The following CACNA1H variants were observed in gnomAD, a reference collection of about 807,000 sequenced individuals.
The protein encoded by CACNA1H is calcium voltage-gated channel subunit alpha1 H.
CACNA1H carries 149 observed loss-of-function variants against 192.5 expected under a neutral mutation model. That is an observed-to-expected ratio of 0.77 (90% CI 0.68 to 0.89). CACNA1H has a LOEUF of 0.89. CACNA1H is among the 40% of genes least tolerant of loss of function. The pLI is 0.00. For missense variants in CACNA1H, 4,257 were observed against 3,423.5 expected (o/e 1.24, Z -6.08); for synonymous variants, 2,202 against 1,475.2 (o/e 1.49, Z -11.29).
In CACNA1H at chr16:1,207,854, A is replaced by G. The variant is rs1239993965; in HGVS notation, c.3148A>G (p.Thr1050Ala). ...EDFHKLRELQTTELKMCSLAV... is the reference protein window; with the variant it reads ...EDFHKLRELQATELKMCSLAV... ...CTTCCACAAGCTCAGAGAACTCCAG[A>G]CCACAGGTGCGTGTGGTCGGTGGGT... The change falls in exon 15 of 35, where the codon ACC becomes GCC. Residue 1050 changes from threonine (T) to alanine (A), a missense_variant. Thr to Ala is a moderately conservative substitution (Grantham distance 58). Transcript: ENST00000348261. 1.3e-6 allele frequency: 2 copies of G among 1,592,242 alleles called. No homozygotes were observed.
At chr16:1,160,540 C>T (rs898656190) in intron 2 of CACNA1H, among the ~76,000 whole-genome samples, 1 of 152,162 alleles carries the variant, frequency 6.6e-6, no homozygotes, top group African/African-American at 2.4e-5. Flanking sequence ...CTGTGCCCGC[C>T]GAGGATGACA....
chr16:1,163,919 C>T (rs778165245), intron 2 of CACNA1H, among the ~76,000 whole-genome samples: 3 of 152,196 alleles, frequency 2.0e-5, no homozygotes, highest in Admixed American at 6.5e-5. Context: ...GGGACCCTCC[C>T]GCTTGTGACT....
chr16:1,168,576 T>C (rs924880724), intron 2 of CACNA1H, among the ~76,000 whole-genome samples: 1 of 150,790 alleles, frequency 6.6e-6, no homozygotes, highest in African/African-American at 2.4e-5. Flanking sequence ...ACAGGTGGGG[T>C]CGTGGTGGGG....
At chr16:1,194,873 A>G (rs1244052507) in intron 2 of CACNA1H, 99 bp from the exon 3 acceptor site, 20 of 858,350 alleles carry the variant, frequency 2.3e-5, no homozygotes, top group African/African-American at 8.2e-5. Flanking sequence ...ACGCGCGCAC[A>G]CCCGTGGCGG....
intron 16 of CACNA1H, among the ~76,000 whole-genome samples, chr16:1,208,727 G>A (rs868821545): frequency 2.6e-5 from 4 of 152,192 alleles, no homozygotes; most frequent in East Asian, 1.9e-4. Context: ...AGGCAGAGCC[G>A]CAGGCCCAGT....
In CACNA1H at chr16:1,203,101, GCGAGGGTGC is replaced by G. The variant is rs536405559; in HGVS notation, c.2002+661_2002+669del. ...TCCCCCGTGGTGGGGAGAGGTGCGAGCGAGGGTGCCGAGGGTGCCGGGATGCTGTGTGCC... is the reference window on the plus strand; with the variant it reads ...TCCCCCGTGGTGGGGAGAGGTGCGAGCGAGGGTGCCGGGATGCTGTGTGCC... On this transcript the variant is annotated intron_variant, in intron 9 of 34. Coordinates refer to ENST00000348261, the MANE Select transcript of CACNA1H (RefSeq NM_021098.3). Among the ~76,000 whole-genome samples the G allele has an allele frequency of 3.2e-3, 480 of 152,258 alleles. 2 individuals carry two copies. Among genetic ancestry groups the G allele is most frequent in the Middle Eastern group, 0.01 (3 of 294 alleles).
intron 11 of CACNA1H, among the ~76,000 whole-genome samples, chr16:1,205,486 G>A (rs374514610): frequency 2.6e-5 from 4 of 152,206 alleles, no homozygotes; most frequent in African/African-American, 9.7e-5. Flanking sequence ...GGCACTACGG[G>A]GTGCGCACCT....
rs371494399 is a variant in CACNA1H, at chr16:1,210,142, C to T, written c.3845+7C>T. On this transcript the variant is annotated splice_region_variant and intron_variant, in intron 18 of 34. Coordinates refer to ENST00000348261, the MANE Select transcript of CACNA1H (RefSeq NM_021098.3). ...TCTTCTCCCCACAGAACCGGTGAGGCGGCCGGGTCAGGAGGCTGCATGGCT... is the reference window on the plus strand; with the variant it reads ...TCTTCTCCCCACAGAACCGGTGAGGTGGCCGGGTCAGGAGGCTGCATGGCT... The T allele has an allele frequency of 2.1e-5, 33 of 1,549,920 alleles. No homozygotes were observed. The highest frequency in any genetic ancestry group is 2.6e-5 in the Non-Finnish European group (30 of 1,146,046).
At chr16:1,193,042 C>T (rs1041868274) in intron 2 of CACNA1H, among the ~76,000 whole-genome samples, 2 of 152,130 alleles carry the variant, frequency 1.3e-5, no homozygotes, top group Non-Finnish European at 2.9e-5. Context: ...ACCTACAAGA[C>T]CCCTGGCTCA....
Position 1,219,023 on chromosome 16 carries a change from A to T in CACNA1H, c.5941A>T (p.Ile1981Phe). ...CGCAGAGTCCTGTGCCTCCCTCCAG[A>T]TCCCATTGGCTGTGTCGTCCCCAGC... The part of the protein sequence containing the change: ...PPAESCASLQ[I>F]PLAVSSPARS... The change falls in exon 34 of 35, where the codon ATC (isoleucine) becomes TTC (phenylalanine). Residue 1981 changes from isoleucine to phenylalanine, a missense_variant. Coordinates refer to ENST00000348261, the MANE Select transcript of CACNA1H (RefSeq NM_021098.3). 6.5e-7 allele frequency: 1 copy of T among 1,550,170 alleles called. No individual in the cohort carries two copies. Among genetic ancestry groups the T allele is most frequent in the South Asian group, 1.2e-5 (1 of 84,054 alleles).
intron 2 of CACNA1H, among the ~76,000 whole-genome samples, chr16:1,158,415 C>T (rs1477424797): frequency 6.6e-5 from 10 of 151,650 alleles, no homozygotes; most frequent in East Asian, 5.8e-4. Context: ...TCATCCTTCC[C>T]GGGGTGATGG....
At position 1,210,662 on chromosome 16, in the gene CACNA1H, G is replaced by GC. The variant is rs775720802; in HGVS notation, c.4038+14dup. 60 of 1,600,548 alleles carry GC rather than the reference G, an allele frequency of 3.7e-5. No homozygotes were observed. The highest frequency in any genetic ancestry group is 3.3e-4 in the Middle Eastern group (2 of 6,078). On this transcript the variant is annotated intron_variant, in intron 20 of 34. Transcript: ENST00000348261. ...GAGATGATGGTGAAGGTACCGCGGG[G>GC]CCCGGGGACTGCCCTTGTTCCCAGG...
Position 1,221,076 on chromosome 16 carries a change from T to C in CACNA1H, c.*82T>C, listed in dbSNP as rs1970449638. On this transcript the variant is annotated 3_prime_UTR_variant, in exon 35 of 35. Coordinates refer to ENST00000348261, the MANE Select transcript of CACNA1H (RefSeq NM_021098.3). Reference sequence around the variant, plus strand: ...GTGGAGGCCCAGGCAGAACCCTGCATGGACCCTGACTTGGGTCCCGTCGTG... The same window carrying C: ...GTGGAGGCCCAGGCAGAACCCTGCACGGACCCTGACTTGGGTCCCGTCGTG... 1.8e-6 allele frequency: 2 copies of C among 1,094,058 alleles called. No individual in the cohort carries two copies. Among genetic ancestry groups the C allele is most frequent in the South Asian group, 1.6e-5 (1 of 60,684 alleles). The allele number at this position is 1,094,058 out of a possible 1,614,324, so 67.8% of individuals were successfully genotyped here. A position where few individuals can be genotyped will look rare whatever the true frequency, so the allele number is the denominator to read the frequency against.
At chr16:1,190,877 T>C (rs535291048) in intron 2 of CACNA1H, among the ~76,000 whole-genome samples, 1 of 147,944 alleles carries the variant, frequency 6.8e-6, no homozygotes, top group Non-Finnish European at 1.5e-5. Flanking sequence ...TCGGGGTCTC[T>C]CTGACCCAGC....
intron 2 of CACNA1H, among the ~76,000 whole-genome samples, chr16:1,160,522 C>G (rs891340899): frequency 6.6e-6 from 1 of 152,180 alleles, no homozygotes; most frequent in African/African-American, 2.4e-5. Flanking sequence ...GGCACCGTCC[C>G]CAGAGCACTG....
intron 5 of CACNA1H, among the ~76,000 whole-genome samples, chr16:1,198,058 G>C (rs1322586030): frequency 6.6e-6 from 1 of 152,158 alleles, no homozygotes. Flanking sequence ...ATTCTCACTG[G>C]GAATCAGACA....
Position 1,210,144 on chromosome 16 carries a change from G to A in CACNA1H, c.3845+9G>A, listed in dbSNP as rs1357923086. On this transcript the variant is annotated intron_variant, in intron 18 of 34. Coordinates refer to ENST00000348261, the MANE Select transcript of CACNA1H (RefSeq NM_021098.3). ...TTCTCCCCACAGAACCGGTGAGGCG[G>A]CCGGGTCAGGAGGCTGCATGGCTAG... 4 of 1,549,028 alleles carry A rather than the reference G, an allele frequency of 2.6e-6. No individual in the cohort carries two copies. Among genetic ancestry groups the A allele is most frequent in the African/African-American group, 2.7e-5 (2 of 73,026 alleles).
intron 2 of CACNA1H, among the ~76,000 whole-genome samples, chr16:1,182,182 G>A (rs538613952): frequency 1.3e-5 from 2 of 152,172 alleles, no homozygotes; most frequent in East Asian, 1.9e-4. Context: ...TGGCCCCTCC[G>A]GTGGGTGGCA....
rs751642419 is a variant in CACNA1H, at chr16:1,210,089, C to T, written c.3799C>T (p.Arg1267Trp). The T allele has an allele frequency of 2.1e-5, 33 of 1,559,854 alleles. No individual in the cohort carries two copies. The highest frequency in any genetic ancestry group is 3.3e-4 in the Middle Eastern group (2 of 6,024). The part of the protein sequence containing the change: ...VLEPYKPQWC[R>W]SREAWALYLF... ...GGAGCCCTACAAGCCCCAGTGGTGC[C>T]GGAGCCGCGAGGCCTGGGCCCTCTA... The change falls in exon 18 of 35, where the codon CGG (arginine) becomes TGG (tryptophan). Residue 1267 changes from arginine to tryptophan, a missense_variant. Physicochemically the swap from Arg to Trp is moderately radical, Grantham distance 101. Transcript: ENST00000348261.
Sources: gnomAD v4.1 joint callset for allele counts (sites outside exome capture counted in the v4.1 genomes callset) on GRCh38, gnomAD v4.1.1 for gene constraint, MANE v1.5 for transcripts, NCBI Gene and HGNC (gene_info 2026-07-23, HGNC 2026-07-21) for gene names.